The following CALHM4 variants were observed in gnomAD, a reference collection of about 807,000 sequenced individuals.
CALHM4 encodes the protein calcium homeostasis modulator protein 4.
In CALHM4, 16 loss-of-function variants were observed where a neutral mutation model predicts 13.3. The ratio of observed to expected loss-of-function variants is 1.20; its 90% CI spans 0.81 to 1.82. CALHM4 has a LOEUF of 1.82. Among genes scored for constraint, CALHM4 ranks in the 40% most tolerant of loss-of-function variants. CALHM4 has a pLI of 0.00. For synonymous variants in CALHM4, 127 were observed against 137.1 expected (o/e 0.93, Z 0.52); for missense variants, 344 against 374.9 (o/e 0.92, Z 0.68).
At chr6:116,543,288 A>G (rs888593361) in intron 1 of CALHM4, 2 of 1,533,160 alleles carry the variant, frequency 1.3e-6, no homozygotes, top group South Asian at 2.4e-5. Flanking sequence ...ATAAGAATGA[A>G]GGACTTCCAC....
intron 1 of CALHM4, among the ~76,000 whole-genome samples, chr6:116,534,431 T>C (rs577033942): frequency 6.6e-6 from 1 of 152,008 alleles, no homozygotes; most frequent in South Asian, 2.1e-4. Flanking sequence ...GTCATAGCAG[T>C]CTTGTGCATT....
chr6:116,553,001 G>C (rs1264461961), upstream of CALHM4, among the ~76,000 whole-genome samples: 1 of 152,220 alleles, frequency 6.6e-6, no homozygotes, highest in East Asian at 1.9e-4. Flanking sequence ...GTGAACCCGG[G>C]AGGCGGAGCT....
chr6:116,535,775 A>G (rs1328063008), intron 1 of CALHM4, among the ~76,000 whole-genome samples: 1 of 152,258 alleles, frequency 6.6e-6, no homozygotes, highest in African/African-American at 2.4e-5. Flanking sequence ...CAGTTACCAT[A>G]GTAGAAAAAT....
chr6:116,540,235 G>C, intron 1 of CALHM4: 2 of 841,658 alleles, frequency 2.4e-6, no homozygotes, highest in South Asian at 1.8e-5. Context: ...TTTTCAATCA[G>C]AATCTCCTTT....
At chr6:116,531,877 T>C (rs1019734020) in intron 1 of CALHM4, among the ~76,000 whole-genome samples, 2 of 149,352 alleles carry the variant, frequency 1.3e-5, no homozygotes, top group African/African-American at 4.9e-5. Flanking sequence ...TTTATTTATA[T>C]TTAATTTATA....
Position 116,557,215 on chromosome 6 carries a change from G to C in CALHM4, c.559-610G>C, listed in dbSNP as rs114449820. Among the ~76,000 whole-genome samples, 627 of 152,186 alleles carry C rather than the reference G, an allele frequency of 4.1e-3. 4 individuals are homozygous for C. The highest frequency in any genetic ancestry group is 0.014 in the African/African-American group (589 of 41,528). The stretch of plus-strand genomic sequence containing the variant: ...ACCTCCCAAAGTACTGAGATTACAA[G>C]TATGAGCCACCACACCCAGCCAACT... On this transcript the variant is annotated intron_variant, in intron 1 of 1. Coordinates refer to ENST00000368596, the MANE Select transcript of CALHM4 (RefSeq NM_001366078.2).
intron 1 of CALHM4, among the ~76,000 whole-genome samples, chr6:116,554,553 CT>C (rs1774225532): frequency 6.6e-6 from 1 of 152,044 alleles, no homozygotes; most frequent in African/African-American, 2.4e-5. Flanking sequence ...GAGTTTTAGT[CT>C]TGCTTTGCCA....
chr6:116,531,873 T>C (rs1366501532), intron 1 of CALHM4, among the ~76,000 whole-genome samples: 1 of 149,352 alleles, frequency 6.7e-6, no homozygotes, highest in Non-Finnish European at 1.5e-5. Flanking sequence ...AAAATTTATT[T>C]ATATTTAATT....
At chr6:116,543,349 T>C (rs1391745393) in intron 1 of CALHM4, 10 of 1,550,028 alleles carry the variant, frequency 6.5e-6, no homozygotes, top group Non-Finnish European at 8.7e-6. Context: ...TCATAATCCT[T>C]ACACAGCTGG....
At position 116,560,660 on chromosome 6, in the gene CALHM4, G is replaced by A. The variant is rs1311496155; in HGVS notation, c.*2449G>A. 6.3e-5 allele frequency among the ~76,000 whole-genome samples: 9 copies of A among 142,086 alleles called. No individual in the cohort carries two copies. Among genetic ancestry groups the A allele is most frequent in the Non-Finnish European group, 1.1e-4 (7 of 65,036 alleles). The allele number at this position is 142,086 out of a possible 152,430, so 93.2% of individuals were successfully genotyped here. A position where few individuals can be genotyped will look rare whatever the true frequency, so the allele number is the denominator to read the frequency against. ...GAATTTTTAGTATTTTGGGGGGGGG[G>A]GGGGCTATGGTCTATAGCATTTTTT... On this transcript the variant is annotated 3_prime_UTR_variant, in exon 2 of 2. Transcript: ENST00000368596.
At chr6:116,532,381 C>T (rs1257833080) in intron 1 of CALHM4, among the ~76,000 whole-genome samples, 1 of 152,158 alleles carries the variant, frequency 6.6e-6, no homozygotes, top group Non-Finnish European at 1.5e-5. Flanking sequence ...GAATTACAGG[C>T]GTGAGCCACC....
Position 116,560,897 on chromosome 6 carries a change from C to T in CALHM4, c.*2686C>T, listed in dbSNP as rs114498203. On this transcript the variant is annotated 3_prime_UTR_variant, in exon 2 of 2. Transcript: ENST00000368596. The stretch of plus-strand genomic sequence containing the variant: ...CCTGCTCCTTTCTTAATTTCATTAG[C>T]TCCTCCACGGTCCCATCATGACCTA... Among the ~76,000 whole-genome samples, 923 of 152,310 alleles carry T rather than the reference C, an allele frequency of 6.1e-3. 11 individuals are homozygous for T. The highest frequency in any genetic ancestry group is 0.021 in the African/African-American group (873 of 41,572).
chr6:116,558,216 A>G lies in CALHM4; in HGVS notation c.*5A>G. On this transcript the variant is annotated 3_prime_UTR_variant, in exon 2 of 2. Coordinates refer to ENST00000368596, the MANE Select transcript of CALHM4 (RefSeq NM_001366078.2). ...GGTATTGAATTAAAACCTTGATTAC[A>G]GCACCTTTCATGAGTCAGGTTGCTT... 1 of 1,603,096 alleles carries G rather than the reference A, an allele frequency of 6.2e-7. No individual in the cohort carries two copies. Among genetic ancestry groups the G allele is most frequent in the Non-Finnish European group, 8.5e-7 (1 of 1,175,100 alleles).
At position 116,560,650 on chromosome 6, in the gene CALHM4, T is replaced by G. The variant is rs1303745500; in HGVS notation, c.*2439T>G. Among the ~76,000 whole-genome samples, 40 of 121,116 alleles carry G rather than the reference T, an allele frequency of 3.3e-4. No homozygotes were observed. Among genetic ancestry groups the G allele is most frequent in the African/African-American group, 8.8e-4 (26 of 29,670 alleles). 79.5% of individuals were successfully genotyped at this position (121,116 alleles called of 152,430 possible). A position where few individuals can be genotyped will look rare whatever the true frequency, so the allele number is the denominator to read the frequency against. On this transcript the variant is annotated 3_prime_UTR_variant, in exon 2 of 2. Coordinates refer to ENST00000368596, the MANE Select transcript of CALHM4 (RefSeq NM_001366078.2). Reference sequence around the variant, plus strand: ...CAAATAAATGGAATTTTTAGTATTTTGGGGGGGGGGGGGGCTATGGTCTAT... The same window carrying G: ...CAAATAAATGGAATTTTTAGTATTTGGGGGGGGGGGGGGGCTATGGTCTAT...
upstream of CALHM4, among the ~76,000 whole-genome samples, chr6:116,550,910 C>G (rs1484048880): frequency 1.3e-5 from 2 of 152,138 alleles, no homozygotes; most frequent in Admixed American, 6.5e-5. Context: ...GATCAGAGAC[C>G]ATACTCTGAA....
chr6:116,540,269 G>C, intron 1 of CALHM4: 3 of 1,187,402 alleles, frequency 2.5e-6, no homozygotes, highest in Non-Finnish European at 3.6e-6. Context: ...AATGAATGCA[G>C]ATGGAACCTG....
At chr6:116,550,576 A>AT (rs1774033690), upstream of CALHM4, among the ~76,000 whole-genome samples, 2 of 152,072 alleles carry the variant, frequency 1.3e-5, no homozygotes, top group African/African-American at 4.8e-5. Flanking sequence ...GTTGAAAAAA[A>AT]TTTTTTGTTG....
upstream of CALHM4, among the ~76,000 whole-genome samples, chr6:116,550,001 TATATATATATATA>T (rs1363259188): frequency 2.3e-5 from 3 of 129,520 alleles, no homozygotes; most frequent in African/African-American, 1.0e-4. Context: ...TATATATATA[TATATATATATATA>T]TATATATATA....
Position 116,558,288 on chromosome 6 carries a change from G to A in CALHM4, c.*77G>A. ...GCTTTTATGATCAGGCCATTTCAAT[G>A]TAATCTCTTCATCTTTTTCTTTCTC... On this transcript the variant is annotated 3_prime_UTR_variant, in exon 2 of 2. Transcript: ENST00000368596. 1.4e-6 allele frequency: 2 copies of A among 1,393,738 alleles called. No individual in the cohort carries two copies. The highest frequency in any genetic ancestry group is 1.9e-6 in the Non-Finnish European group (2 of 1,038,718). 86.3% of individuals were successfully genotyped at this position (1,393,738 alleles called of 1,614,324 possible). A position where few individuals can be genotyped will look rare whatever the true frequency, so the allele number is the denominator to read the frequency against.
Sources: gnomAD v4.1 joint callset for allele counts (sites outside exome capture counted in the v4.1 genomes callset) on GRCh38, gnomAD v4.1.1 for gene constraint, MANE v1.5 for transcripts, NCBI Gene and HGNC (gene_info 2026-07-23, HGNC 2026-07-21) for gene names.